The following EXOC6B variants were observed in gnomAD, a reference collection of about 807,000 sequenced individuals.
EXOC6B encodes the protein exocyst complex component 6B.
Under a neutral mutation model 113.5 loss-of-function variants are expected in EXOC6B, and 54 were observed. That is an observed-to-expected ratio of 0.48 (90% confidence interval 0.38 to 0.60). The LOEUF (loss-of-function observed/expected upper bound fraction) is 0.60, where lower values mean the gene tolerates loss of function less well. EXOC6B is among the 20% of genes least tolerant of loss of function. EXOC6B has a pLI of 0.00. For missense variants in EXOC6B, 797 were observed against 977.5 expected, an observed-to-expected ratio of 0.82 and a Z score of 2.46; for synonymous variants, 357 against 339.0, an observed-to-expected ratio of 1.05 and a Z score of -0.58.
chr2:72,492,509 G>A (rs751085080), intron 15 of EXOC6B, 80 bp from the exon 16 acceptor site: 150 of 751,288 alleles, frequency 2.0e-4, no homozygotes, highest in Non-Finnish European at 3.2e-4. Context: ...TGGTATTCGT[G>A]GTAATAATAA....
chr2:72,565,735 CAA>C lies in EXOC6B; in HGVS notation c.847-6216_847-6215del, dbSNP rs1372415162. ...GTGATAGGAATGAAAATTAAAACTACAAAGAGATATGTTTCTTATCTATGAGA... is the reference window on the plus strand; with the variant it reads ...GTGATAGGAATGAAAATTAAAACTACAGAGATATGTTTCTTATCTATGAGA... On this transcript the variant is annotated intron_variant, in intron 7 of 21. Transcript: ENST00000272427. 3.3e-5 allele frequency among the ~76,000 whole-genome samples: 5 copies of C among 152,004 alleles called. No homozygotes were observed. The East Asian group carries it at 9.6e-4, about 29-fold the overall frequency.
At chr2:72,237,682 G>A (rs1312109058) in intron 20 of EXOC6B, among the ~76,000 whole-genome samples, 3 of 152,062 alleles carry the variant, frequency 2.0e-5, no homozygotes, top group East Asian at 1.9e-4. Flanking sequence ...AGTTCGTGTC[G>A]GACTTCACAT....
chr2:72,814,346 T>C (rs1686097418), intron 1 of EXOC6B, among the ~76,000 whole-genome samples: 2 of 152,236 alleles, frequency 1.3e-5, no homozygotes. Context: ...GTTATTGTTG[T>C]CGTTGCTTTT....
chr2:72,359,339 C>T (rs1288206015), intron 19 of EXOC6B, among the ~76,000 whole-genome samples: 1 of 152,078 alleles, frequency 6.6e-6, no homozygotes, highest in Admixed American at 6.6e-5. Flanking sequence ...TAGCTAGGCC[C>T]TTTTTGCCCT....
At chr2:72,529,177 C>T (rs976842961) in intron 8 of EXOC6B, among the ~76,000 whole-genome samples, 3 of 152,080 alleles carry the variant, frequency 2.0e-5, no homozygotes, top group African/African-American at 4.8e-5. Flanking sequence ...AAGCTAGCTA[C>T]GGGGTTTTGG....
intron 18 of EXOC6B, among the ~76,000 whole-genome samples, chr2:72,428,419 T>TGCCTTGCACCTGGTCCAGTTGCA (rs1471336516): frequency 1.3e-5 from 2 of 152,216 alleles, no homozygotes; most frequent in African/African-American, 4.8e-5. Flanking sequence ...GGAAGCTGCT[T>TGCCTTGCACCTGGTCCAGTTGCA]GCCTTGCACC....
intron 18 of EXOC6B, chr2:72,461,617 C>T (rs562165409): frequency 2.6e-5 from 4 of 151,920 alleles, no homozygotes; most frequent in African/African-American, 9.6e-5. Flanking sequence ...ACCTACTCCT[C>T]GCTATACAAA....
chr2:72,631,386 T>G (rs1672381331), intron 6 of EXOC6B, among the ~76,000 whole-genome samples: 1 of 135,764 alleles, frequency 7.4e-6, no homozygotes, highest in African/African-American at 2.8e-5. Flanking sequence ...ATATATGGAG[T>G]GATATAGTAG....
At chr2:72,407,382 C>T (rs565822625) in intron 18 of EXOC6B, among the ~76,000 whole-genome samples, 88 of 152,128 alleles carry the variant, frequency 5.8e-4, no homozygotes, top group East Asian at 2.3e-3. Flanking sequence ...AGCATCATCC[C>T]GATACTAAAG....
At chr2:72,624,425 G>A (rs1459682293) in intron 6 of EXOC6B, among the ~76,000 whole-genome samples, 1 of 152,036 alleles carries the variant, frequency 6.6e-6, no homozygotes, top group East Asian at 1.9e-4. Flanking sequence ...AAAATACAAT[G>A]ATCTTACTTA....
In EXOC6B at chr2:72,179,095, A is replaced by C. The variant is rs1257658627; in HGVS notation, c.*240T>G. On this transcript the variant is annotated 3_prime_UTR_variant, in exon 22 of 22. Transcript: ENST00000272427. The stretch of plus-strand genomic sequence containing the variant: ...TGATGATACCACCATCTCTAAGATA[A>C]CACAGATAGTGTAGTAATAACTTCC... 1 of 456,644 alleles carries C rather than the reference A, an allele frequency of 2.2e-6. No individual in the cohort carries two copies. 28.3% of individuals were successfully genotyped at this position (456,644 alleles called of 1,614,324 possible). A position where few individuals can be genotyped will look rare whatever the true frequency, so the allele number is the denominator to read the frequency against.
chr2:72,520,360 G>A (rs556075918), intron 8 of EXOC6B, among the ~76,000 whole-genome samples: 13 of 151,738 alleles, frequency 8.6e-5, no homozygotes, highest in African/African-American at 2.7e-4. Context: ...GTAATTTTTC[G>A]ATCTCCATTT....
Position 72,575,673 on chromosome 2 carries a change from G to C in EXOC6B, c.670-5C>G, listed in dbSNP as rs1192362670. 3.8e-6 allele frequency: 6 copies of C among 1,584,154 alleles called. No homozygotes were observed. The highest frequency in any genetic ancestry group is 2.3e-5 in the East Asian group (1 of 42,824). On this transcript the variant is annotated splice_polypyrimidine_tract_variant and splice_region_variant and intron_variant, in intron 6 of 21. Transcript: ENST00000272427. ...CAGGTTTCTTTGCTGCTGGGCCTAG[G>C]ATAGAGAAGAACACACACAAACACA... is the stretch of plus-strand genomic sequence containing the variant.
rs370524817 is a variant in EXOC6B at position 72,636,488 on chromosome 2, AAGG to A, written c.670-60823_670-60821del. On this transcript the variant is annotated intron_variant, in intron 6 of 21. Coordinates refer to ENST00000272427, the MANE Select transcript of EXOC6B (RefSeq NM_015189.3). Reference sequence around the variant, plus strand: ...GAGGAAGAAAAAGATGAAGGAGGAGAAGGAGGAGGAGGAGGAGGAGAGAAAGAA... The same window carrying A: ...GAGGAAGAAAAAGATGAAGGAGGAGAAGGAGGAGGAGGAGGAGAGAAAGAA... Among the ~76,000 whole-genome samples, 1,148 of 144,222 alleles carry A rather than the reference AAGG, an allele frequency of 8.0e-3. 14 individuals are homozygous for A. The highest frequency in any genetic ancestry group is 0.028 in the East Asian group (141 of 5,034). The allele number at this position is 144,222 out of a possible 152,430, so 94.6% of individuals were successfully genotyped here.
chr2:72,197,018 G>A (rs1679215535), intron 20 of EXOC6B, among the ~76,000 whole-genome samples: 1 of 152,096 alleles, frequency 6.6e-6, no homozygotes, highest in Admixed American at 6.6e-5. Context: ...GCATGATTTA[G>A]GTAAACAGAA....
At chr2:72,234,180 C>T (rs77024759) in intron 20 of EXOC6B, among the ~76,000 whole-genome samples, 25 of 151,774 alleles carry the variant, frequency 1.6e-4, no homozygotes, top group African/African-American at 5.3e-4. Flanking sequence ...TCCGTCCCCC[C>T]GGTTTAAGCA....
chr2:72,552,012 A>G (rs1255625642), intron 8 of EXOC6B, among the ~76,000 whole-genome samples: 7 of 152,202 alleles, frequency 4.6e-5, no homozygotes, highest in Non-Finnish European at 8.8e-5. Flanking sequence ...GAAACAAATA[A>G]TAAGATTTGA....
At chr2:72,814,670 G>C (rs1353459918) in intron 1 of EXOC6B, among the ~76,000 whole-genome samples, 1 of 152,120 alleles carries the variant, frequency 6.6e-6, no homozygotes, top group Non-Finnish European at 1.5e-5. Flanking sequence ...TGTCCTCTTG[G>C]GAGTTAACAG....
intron 1 of EXOC6B, among the ~76,000 whole-genome samples, chr2:72,792,960 C>A (rs745427472): frequency 1.3e-4 from 20 of 152,040 alleles, no homozygotes; most frequent in Non-Finnish European, 2.6e-4. Flanking sequence ...CTTTTATGTT[C>A]TGTTTATTTC....
Sources: allele counts gnomAD v4.1 joint callset (sites outside exome capture counted in the v4.1 genomes callset), GRCh38; gene constraint gnomAD v4.1.1; transcripts MANE v1.5; gene names NCBI Gene and HGNC (gene_info 2026-07-23, HGNC 2026-07-21).